Variants in ABCG2 observed in about 807,000 individuals in gnomAD.
ABCG2 encodes the protein ATP binding cassette subfamily G member 2 (JR blood group).
A neutral mutation model predicts 73.5 loss-of-function variants in ABCG2; 80 were observed. That is an observed-to-expected ratio of 1.09 (90% CI 0.91 to 1.31). The LOEUF (loss-of-function observed/expected upper bound fraction) is 1.31. Among genes scored for constraint, ABCG2 ranks in the 50% most tolerant of loss-of-function variants. The probability of loss-of-function intolerance (pLI) is 0.00; values close to 1 mark genes in which losing one functional copy is unlikely to be tolerated. For synonymous variants in ABCG2, 269 were observed against 282.4 expected, an observed-to-expected ratio of 0.95 and a Z score of 0.48; for missense variants, 796 against 786.2, an observed-to-expected ratio of 1.01 and a Z score of -0.15.
intron 10 of ABCG2, among the ~76,000 whole-genome samples, chr4:88,106,619 G>C (rs1052374737): frequency 5.3e-5 from 8 of 152,350 alleles, no homozygotes; most frequent in Non-Finnish European, 1.0e-4. Context: ...AGGCAGATAT[G>C]AGATGGGAAG....
rs113555375 is a variant in ABCG2, at chr4:88,101,239, T to C, written c.1358A>G (p.Lys453Arg). ...ACAAAGACCTACTCACATGAAGAGC[T>C]TCTTCTCTACCACAAAGAGTTCCAC... ...SAVELFVVEKKLFIHEYISGY... is the reference protein window; with the variant it reads ...SAVELFVVEKRLFIHEYISGY... The change falls in exon 11 of 16, where the codon AAG becomes AGG. Residue 453 changes from lysine to arginine, a missense_variant. Physicochemically the swap from Lys to Arg is conservative, Grantham distance 26. Coordinates refer to ENST00000237612, the MANE Select transcript of ABCG2 (RefSeq NM_004827.3). The C allele has an allele frequency of 1.9e-6, 3 of 1,613,966 alleles. No individual in the cohort carries two copies. Among genetic ancestry groups the C allele is most frequent in the Non-Finnish European group, 2.5e-6 (3 of 1,179,956 alleles).
chr4:88,149,275 T>G (rs895858139), intron 1 of ABCG2, among the ~76,000 whole-genome samples: 2 of 152,172 alleles, frequency 1.3e-5, no homozygotes, highest in African/African-American at 4.8e-5. Flanking sequence ...TAATCTGTGA[T>G]TAGAAAGCCA....
intron 8 of ABCG2, among the ~76,000 whole-genome samples, chr4:88,114,154 T>A (rs997887638): frequency 6.6e-6 from 1 of 151,244 alleles, no homozygotes; most frequent in Admixed American, 6.6e-5. Flanking sequence ...ATAAATAAAG[T>A]AAGTAATAAA....
chr4:88,090,354 A>T lies in ABCG2; in HGVS notation c.*1880T>A, dbSNP rs1721572042. The T allele has an allele frequency of 6.6e-6, 1 of 152,110 alleles. No homozygotes were observed. The highest frequency in any genetic ancestry group is 6.6e-5 in the Admixed American group (1 of 15,266). The allele number at this position is 152,110 out of a possible 1,614,324, so 9.4% of individuals were successfully genotyped here. A position where few individuals can be genotyped will look rare whatever the true frequency, so the allele number is the denominator to read the frequency against. ...AGTATATTTTGTGTAAAAAGTATAG[A>T]TAGATATTTCTCTCTGTGTAATAAG... On this transcript the variant is annotated 3_prime_UTR_variant, in exon 16 of 16. Transcript: ENST00000237612.
intron 15 of ABCG2, 79 bp downstream of exon 15, chr4:88,094,498 A>G: frequency 7.8e-7 from 1 of 1,274,298 alleles, no homozygotes; most frequent in South Asian, 1.2e-5. Context: ...AAGGACTCAT[A>G]CAGATCTAAG....
At chr4:88,136,492 G>A (rs985912657) in intron 2 of ABCG2, among the ~76,000 whole-genome samples, 1 of 152,160 alleles carries the variant, frequency 6.6e-6, no homozygotes, top group African/African-American at 2.4e-5. Flanking sequence ...AAACACTTGA[G>A]CCCAGGAGTT....
chr4:88,133,469 T>C (rs1725039049), intron 2 of ABCG2, among the ~76,000 whole-genome samples: 1 of 152,116 alleles, frequency 6.6e-6, no homozygotes, highest in Admixed American at 6.6e-5. Context: ...AAATTCCAAG[T>C]TTAGAAGGAG....
chr4:88,200,507 C>A (rs1436533891), intron 1 of ABCG2, among the ~76,000 whole-genome samples: 1 of 151,662 alleles, frequency 6.6e-6, no homozygotes, highest in Non-Finnish European at 1.5e-5. Context: ...TGTTAAAGAT[C>A]AGAAAATCAA....
intron 1 of ABCG2, among the ~76,000 whole-genome samples, chr4:88,205,969 C>G (rs756000421): frequency 6.6e-6 from 1 of 152,198 alleles, no homozygotes; most frequent in Non-Finnish European, 1.5e-5. Flanking sequence ...GCGTGAGCCA[C>G]CACGCCCAGC....
chr4:88,122,302 G>T (rs565344639), intron 5 of ABCG2, among the ~76,000 whole-genome samples: 4 of 151,348 alleles, frequency 2.6e-5, no homozygotes, highest in African/African-American at 9.6e-5. Flanking sequence ...TGCCTGGAAT[G>T]CCAGCGCGAC....
At chr4:88,122,063 G>T (rs1281993065) in intron 5 of ABCG2, among the ~76,000 whole-genome samples, 1 of 152,198 alleles carries the variant, frequency 6.6e-6, no homozygotes, top group Admixed American at 6.5e-5. Flanking sequence ...CACAAGGGGT[G>T]GGGGAAGTCC....
At chr4:88,096,372 A>G (rs1318187375) in intron 13 of ABCG2, among the ~76,000 whole-genome samples, 1 of 152,250 alleles carries the variant, frequency 6.6e-6, no homozygotes, top group Non-Finnish European at 1.5e-5. Context: ...TGCTTAGCAT[A>G]TAACACAGCA....
At chr4:88,100,217 C>T (rs1173501508) in intron 11 of ABCG2, among the ~76,000 whole-genome samples, 5 of 149,788 alleles carry the variant, frequency 3.3e-5, no homozygotes, top group South Asian at 2.1e-4. Flanking sequence ...AACAGCCAGG[C>T]GCCCCGGTGC....
intron 3 of ABCG2, among the ~76,000 whole-genome samples, chr4:88,132,213 C>T (rs929850566): frequency 2.0e-5 from 3 of 152,162 alleles, no homozygotes; most frequent in African/African-American, 7.2e-5. Context: ...GCTGTCTGAC[C>T]TTGGAGGTAC....
In ABCG2 at chr4:88,092,380, A is replaced by G. The variant is rs200933122; in HGVS notation, c.1822T>C (p.Cys608Arg). 2.0e-5 allele frequency: 32 copies of G among 1,606,216 alleles called. No homozygotes were observed. In the East Asian group the frequency reaches 6.0e-4, roughly 30 times the overall value. Residue 608 changes from cysteine (C) to arginine (R), a missense_variant and splice_region_variant, in exon 16 of 16, where the codon TGT (cysteine) becomes CGT (arginine). Transcript: ENST00000237612. ...TGNNPCNYAT[C>R]TGEEYLVKQG... Reference sequence around the variant, plus strand: ...TTTACCAAATATTCTTCGCCAGTACATCTGAAATTAAACAGAAAAAGAATA... The same window carrying G: ...TTTACCAAATATTCTTCGCCAGTACGTCTGAAATTAAACAGAAAAAGAATA...
intron 1 of ABCG2, among the ~76,000 whole-genome samples, chr4:88,156,204 T>A (rs1330002085): frequency 6.6e-6 from 1 of 151,262 alleles, no homozygotes; most frequent in African/African-American, 2.4e-5. Context: ...GAAAACCCCG[T>A]CTCTACTAAA....
chr4:88,212,378 G>T (rs1013899385), intron 1 of ABCG2, among the ~76,000 whole-genome samples: 29 of 151,858 alleles, frequency 1.9e-4, no homozygotes, highest in Admixed American at 6.6e-5. Context: ...GTAGCCCCTG[G>T]TACTGTCACT....
intron 4 of ABCG2, 59 bp from the exon 5 acceptor site, chr4:88,131,272 G>T: frequency 6.5e-7 from 1 of 1,540,144 alleles, no homozygotes; most frequent in South Asian, 1.1e-5. Flanking sequence ...CTAAGACCAT[G>T]ACTGTTTAGT....
rs766544877 is a variant in ABCG2, at chr4:88,101,261, CCACGGCTGAAA to C, written c.1325_1335del (p.Val442GlyfsTer13). 5 of 1,614,128 alleles carry C rather than the reference CCACGGCTGAAA, an allele frequency of 3.1e-6. No homozygotes were observed. Among genetic ancestry groups the C allele is most frequent in the Non-Finnish European group, 4.2e-6 (5 of 1,180,018 alleles). ...AGCTTCTTCTCTACCACAAAGAGTTCCACGGCTGAAACACTGCTGAAACACTGGTTGGTCGT... is the reference window on the plus strand; with the variant it reads ...AGCTTCTTCTCTACCACAAAGAGTTCCACTGCTGAAACACTGGTTGGTCGT... On this transcript the variant is annotated frameshift_variant, in exon 11 of 16. Transcript: ENST00000237612. LOFTEE classifies it high-confidence loss of function.
Sources: gnomAD v4.1 joint callset for allele counts (sites outside exome capture counted in the v4.1 genomes callset) on GRCh38, gnomAD v4.1.1 for gene constraint, MANE v1.5 for transcripts, NCBI Gene and HGNC (gene_info 2026-07-23, HGNC 2026-07-21) for gene names.